Variants in MGAT4C observed in about 807,000 individuals in gnomAD.
MGAT4C encodes the protein alpha-1,3-mannosyl-glycoprotein 4-beta-N-acetylglucosaminyltransferase C.
Under a neutral mutation model 40.1 loss-of-function variants are expected in MGAT4C, and 19 were observed. The observed-to-expected ratio is 0.47, with a 90% CI of 0.33 to 0.70. The LOEUF (loss-of-function observed/expected upper bound fraction) is 0.70. Among genes scored for constraint, MGAT4C ranks in the 30% least tolerant of loss-of-function variants. The probability of loss-of-function intolerance (pLI) is 0.02; values close to 1 mark genes in which losing one functional copy is unlikely to be tolerated. For missense variants in MGAT4C, 491 were observed against 563.2 expected (o/e 0.87, Z 1.30); for synonymous variants, 181 against 187.1 (o/e 0.97, Z 0.27).
intron 1 of MGAT4C, among the ~76,000 whole-genome samples, chr12:86,061,549 C>T (rs1469702929): frequency 2.6e-5 from 4 of 151,510 alleles, no homozygotes; most frequent in African/African-American, 9.7e-5. Flanking sequence ...GGAAAGGGGG[C>T]TGAAGTCAGG....
intron 1 of MGAT4C, among the ~76,000 whole-genome samples, chr12:86,097,491 G>T (rs1874152877): frequency 6.6e-6 from 1 of 151,328 alleles, no homozygotes; most frequent in African/African-American, 2.4e-5. Flanking sequence ...CACATTTTTA[G>T]TTTGCTTAAT....
chr12:86,761,463 A>G (rs1951404714), intron 1 of MGAT4C, among the ~76,000 whole-genome samples: 1 of 152,242 alleles, frequency 6.6e-6, no homozygotes, highest in African/African-American at 2.4e-5. Context: ...TCTGGAGCCC[A>G]GGTATGGATG....
At chr12:86,438,049 G>A (rs1208958562) in intron 2 of MGAT4C, among the ~76,000 whole-genome samples, 1 of 151,942 alleles carries the variant, frequency 6.6e-6, no homozygotes, top group African/African-American at 2.4e-5. Flanking sequence ...ACTTTAGTGA[G>A]GAAGGCATGT....
At chr12:86,773,945 CTTTTTTTTTTTT>C (rs140530916) in intron 1 of MGAT4C, among the ~76,000 whole-genome samples, 1 of 58,438 alleles carries the variant, frequency 1.7e-5, no homozygotes, top group Non-Finnish European at 3.2e-5. Flanking sequence ...AAAGTAACTT[CTTTTTTTTTTTT>C]TTTTTTTTTT....
At chr12:86,322,142 A>G (rs1954406208) in intron 4 of MGAT4C, among the ~76,000 whole-genome samples, 1 of 147,262 alleles carries the variant, frequency 6.8e-6, no homozygotes, top group Admixed American at 7.0e-5. Flanking sequence ...CAAACACCGC[A>G]TGTTTTCACT....
At chr12:86,429,775 G>A (rs1281100143) in intron 3 of MGAT4C, among the ~76,000 whole-genome samples, 1 of 152,058 alleles carries the variant, frequency 6.6e-6, no homozygotes, top group African/African-American at 2.4e-5. Flanking sequence ...GGTTGAATTT[G>A]ATTGAAGACC....
chr12:86,727,208 C>T lies in MGAT4C; in HGVS notation c.-229+1G>A, dbSNP rs1950836292. 6.6e-6 allele frequency: 1 copy of T among 152,026 alleles called. No homozygotes were observed. The highest frequency in any genetic ancestry group is 2.4e-5 in the African/African-American group (1 of 41,406). The allele number at this position is 152,026 out of a possible 1,614,324, so 9.4% of individuals were successfully genotyped here. On this transcript the variant is annotated splice_donor_variant, in intron 2 of 7. Coordinates refer to the MGAT4C transcript ENST00000548651. LOFTEE classifies it low-confidence loss of function (5UTR_SPLICE). ...CTTTTAAAATAGTATATAGTACTTA[C>T]CCATCCAAGTAGAATGTAACAGCAG...
intron 1 of MGAT4C, among the ~76,000 whole-genome samples, chr12:86,103,679 G>A (rs1199098270): frequency 6.6e-6 from 1 of 152,002 alleles, no homozygotes; most frequent in Non-Finnish European, 1.5e-5. Flanking sequence ...CTTGTGTCCT[G>A]TGGTTTGAAC....
chr12:86,633,138 C>G (rs1034513245), intron 2 of MGAT4C, among the ~76,000 whole-genome samples: 2 of 151,548 alleles, frequency 1.3e-5, no homozygotes, highest in African/African-American at 4.8e-5. Flanking sequence ...GTAATAAATA[C>G]CTTTAAAATA....
At chr12:86,622,279 C>A (rs560895468) in intron 2 of MGAT4C, among the ~76,000 whole-genome samples, 1 of 152,030 alleles carries the variant, frequency 6.6e-6, no homozygotes, top group South Asian at 2.1e-4. Context: ...GTATAGGCAG[C>A]AAAAGTCTTC....
At chr12:86,139,897 A>G (rs1882585362) in intron 1 of MGAT4C, among the ~76,000 whole-genome samples, 1 of 152,194 alleles carries the variant, frequency 6.6e-6, no homozygotes, top group South Asian at 2.1e-4. Flanking sequence ...TCCAGCAGTT[A>G]CTATGACCTT....
intron 1 of MGAT4C, among the ~76,000 whole-genome samples, chr12:86,081,843 C>T (rs1273841107): frequency 6.6e-6 from 1 of 152,162 alleles, no homozygotes; most frequent in African/African-American, 2.4e-5. Flanking sequence ...CCGAATGTGA[C>T]AGGCTGTGGG....
intron 2 of MGAT4C, among the ~76,000 whole-genome samples, chr12:86,555,979 T>C (rs1471981006): frequency 1.3e-5 from 2 of 152,340 alleles, no homozygotes; most frequent in East Asian, 3.9e-4. Flanking sequence ...TACTGGAAGA[T>C]ATATTTCAGC....
At chr12:86,395,887 C>T (rs2136232371) in intron 3 of MGAT4C, among the ~76,000 whole-genome samples, 1 of 152,214 alleles carries the variant, frequency 6.6e-6, no homozygotes, top group Non-Finnish European at 1.5e-5. Flanking sequence ...CAGGAGTTAA[C>T]AATACATGCT....
chr12:86,119,478 G>C (rs12298413), intron 1 of MGAT4C, among the ~76,000 whole-genome samples: 1 of 151,360 alleles, frequency 6.6e-6, no homozygotes, highest in Non-Finnish European at 1.5e-5. Flanking sequence ...GTGCAGTGGC[G>C]CGATCTGCAA....
chr12:86,836,276 G>T (rs1409229960), intron 1 of MGAT4C, among the ~76,000 whole-genome samples: 1 of 152,008 alleles, frequency 6.6e-6, no homozygotes, highest in African/African-American at 2.4e-5. Context: ...ACTGAATATA[G>T]GATGTTTCAT....
chr12:86,386,879 T>G (rs1199297792), intron 3 of MGAT4C, among the ~76,000 whole-genome samples: 1 of 152,192 alleles, frequency 6.6e-6, no homozygotes, highest in African/African-American at 2.4e-5. Context: ...AATATATTCA[T>G]GCAAAGTTCA....
intron 2 of MGAT4C, among the ~76,000 whole-genome samples, chr12:86,625,962 A>T (rs1962792488): frequency 6.6e-6 from 1 of 152,140 alleles, no homozygotes; most frequent in African/African-American, 2.4e-5. Flanking sequence ...AGAATAAAAA[A>T]CCAAGACCCA....
chr12:86,369,295 A>G lies in MGAT4C; in HGVS notation c.-119-35168T>C, dbSNP rs552796682. On this transcript the variant is annotated intron_variant, in intron 3 of 7. Transcript: ENST00000548651. ...AGACAGCATATAGTGGGATCTTTTAAAATATCATATCTTTAATTTGTTAGT... is the reference window on the plus strand; with the variant it reads ...AGACAGCATATAGTGGGATCTTTTAGAATATCATATCTTTAATTTGTTAGT... Among the ~76,000 whole-genome samples, 35 of 152,034 alleles carry G rather than the reference A, an allele frequency of 2.3e-4. No individual in the cohort carries two copies. In the South Asian group the frequency reaches 4.1e-3, roughly 18 times the overall value.
Sources: allele counts gnomAD v4.1 joint callset (sites outside exome capture counted in the v4.1 genomes callset), GRCh38; gene constraint gnomAD v4.1.1; transcripts MANE v1.5; gene names NCBI Gene and HGNC (gene_info 2026-07-23, HGNC 2026-07-21).